Variants in SEMA3A observed in about 807,000 individuals in gnomAD.
SEMA3A encodes the protein semaphorin 3A, also known as semaphorin-3A.
In SEMA3A, 29 loss-of-function variants were observed where a neutral mutation model predicts 97.9. That is an observed-to-expected ratio of 0.30 (90% CI 0.22 to 0.40). SEMA3A has a LOEUF of 0.40. Among genes scored for constraint, SEMA3A ranks in the 10% least tolerant of loss-of-function variants. The pLI is 1.00. For missense variants in SEMA3A, 763 were observed against 951.3 expected, an observed-to-expected ratio of 0.80 and a Z score of 2.60; for synonymous variants, 321 against 323.7, an observed-to-expected ratio of 0.99 and a Z score of 0.09.
chr7:83,973,505 A>G lies in SEMA3A; in HGVS notation c.1717+3627T>C, dbSNP rs563337793. Among the ~76,000 whole-genome samples the G allele has an allele frequency of 1.8e-4, 28 of 152,256 alleles. No homozygotes were observed. In the South Asian group the frequency reaches 5.8e-3, roughly 32 times the overall value. Reference sequence around the variant, plus strand: ...TACTTTTAGGGCTGACATCATGCTCATCTATCAAATATTGAGACTCCTCTT... The same window carrying G: ...TACTTTTAGGGCTGACATCATGCTCGTCTATCAAATATTGAGACTCCTCTT... On this transcript the variant is annotated intron_variant, in intron 15 of 16. Coordinates refer to ENST00000265362, the MANE Select transcript of SEMA3A (RefSeq NM_006080.3).
chr7:84,160,793 T>C (rs142263854), intron 1 of SEMA3A, among the ~76,000 whole-genome samples: 2,332 of 148,734 alleles, frequency 0.016, 51 homozygotes, highest in African/African-American at 0.054. Context: ...GGCAGGAGAA[T>C]TGCTTGAACC....
rs898039576 is a variant in SEMA3A, at chr7:84,475,230, G to T, written c.-246+17230C>A. ...TGAAATTTCCTAACAATAATGGATT[G>T]TTAGAGAGAGAGAGTCTGTTTTTGT... On this transcript the variant is annotated intron_variant, in intron 1 of 3. Coordinates refer to the SEMA3A transcript ENST00000424555. Among the ~76,000 whole-genome samples the T allele has an allele frequency of 2.6e-5, 4 of 152,106 alleles. No individual in the cohort carries two copies. The Middle Eastern group carries it at 0.01, about 388-fold the overall frequency.
At chr7:84,399,789 C>A (rs1477624792) in intron 1 of SEMA3A, among the ~76,000 whole-genome samples, 1 of 152,168 alleles carries the variant, frequency 6.6e-6, no homozygotes, top group Non-Finnish European at 1.5e-5. Context: ...ACAATAGCAG[C>A]CATGGGCCTT....
chr7:84,094,574 A>G (rs765095046), intron 4 of SEMA3A, among the ~76,000 whole-genome samples: 1 of 152,138 alleles, frequency 6.6e-6, no homozygotes, highest in Non-Finnish European at 1.5e-5. Context: ...TCTGCTAGAT[A>G]TAAGATTGGG....
Position 83,981,490 on chromosome 7 carries a change from G to C in SEMA3A, c.1495-12C>G. 6.4e-7 allele frequency: 1 copy of C among 1,567,158 alleles called. No individual in the cohort carries two copies. Among genetic ancestry groups the C allele is most frequent in the East Asian group, 2.3e-5 (1 of 43,792 alleles). On this transcript the variant is annotated splice_polypyrimidine_tract_variant and intron_variant, in intron 13 of 16. Coordinates refer to ENST00000265362, the MANE Select transcript of SEMA3A (RefSeq NM_006080.3). ...ATATATAGTTGTTGCTGTGGAAAGA[G>C]TTTACTGCTGTGACAAAAACTATCT...
chr7:84,356,911 T>C (rs950642826), intron 2 of SEMA3A, among the ~76,000 whole-genome samples: 2 of 151,754 alleles, frequency 1.3e-5, no homozygotes, highest in Non-Finnish European at 2.9e-5. Context: ...GTTTTTACTA[T>C]TTTGAAAATA....
At chr7:84,281,559 A>T (rs1041276093) in intron 3 of SEMA3A, among the ~76,000 whole-genome samples, 1 of 152,190 alleles carries the variant, frequency 6.6e-6, no homozygotes, top group Admixed American at 6.5e-5. Context: ...AGTTAATGAT[A>T]GCCTGGGTTT....
intron 6 of SEMA3A, among the ~76,000 whole-genome samples, chr7:84,033,307 T>C (rs1791823906): frequency 1.3e-5 from 2 of 152,166 alleles, no homozygotes; most frequent in African/African-American, 4.8e-5. Flanking sequence ...CATTTTTTTC[T>C]AAAAAGAAAA....
At chr7:84,010,951 G>T in intron 9 of SEMA3A, 71 bp downstream of exon 9, 2 of 1,169,720 alleles carry the variant, frequency 1.7e-6, no homozygotes, top group Non-Finnish European at 2.4e-6. Flanking sequence ...ATATACTTTT[G>T]CAAATTATGA....
chr7:84,302,873 T>C (rs1801053602), intron 3 of SEMA3A, among the ~76,000 whole-genome samples: 1 of 152,148 alleles, frequency 6.6e-6, no homozygotes, highest in South Asian at 2.1e-4. Context: ...CCCAATTTCT[T>C]AATGTAAACA....
chr7:84,383,712 C>T lies in SEMA3A; in HGVS notation c.-245-11812G>A, dbSNP rs191790415. Among the ~76,000 whole-genome samples, 29 of 152,132 alleles carry T rather than the reference C, an allele frequency of 1.9e-4. 1 individual carries two copies. The highest frequency in any genetic ancestry group is 6.7e-4 in the African/African-American group (28 of 41,512). ...TAGAACAAGAAAGTGGAAAAATATC[C>T]AATAAGTTATTTCTTCTGTATTATT... On this transcript the variant is annotated intron_variant, in intron 1 of 3. Coordinates refer to the SEMA3A transcript ENST00000424555.
chr7:84,033,282 G>T (rs2116469570), intron 6 of SEMA3A, among the ~76,000 whole-genome samples: 1 of 152,088 alleles, frequency 6.6e-6, no homozygotes, highest in African/African-American at 2.4e-5. Context: ...AAAATTTTTA[G>T]GCTGTCATAA....
At chr7:84,432,068 A>C (rs184412843) in intron 1 of SEMA3A, among the ~76,000 whole-genome samples, 1 of 152,218 alleles carries the variant, frequency 6.6e-6, no homozygotes, top group African/African-American at 2.4e-5. Flanking sequence ...CATCAGAAGT[A>C]TATTTTTTCC....
In SEMA3A at chr7:84,491,487, T is replaced by A. The variant is rs571998575; in HGVS notation, c.-246+973A>T. 1.2e-3 allele frequency among the ~76,000 whole-genome samples: 186 copies of A among 152,270 alleles called. 1 individual carries two copies. The highest frequency in any genetic ancestry group is 9.2e-3 in the Admixed American group (140 of 15,270). The stretch of plus-strand genomic sequence containing the variant: ...TAACTGGAATCTTTGGTAGGGCATA[T>A]GTTCTATGTGTTTATTTCTTACATG... On this transcript the variant is annotated intron_variant, in intron 1 of 3. Transcript: ENST00000424555.
chr7:84,228,021 C>T (rs1243791180), intron 3 of SEMA3A, among the ~76,000 whole-genome samples: 1 of 151,724 alleles, frequency 6.6e-6, no homozygotes, highest in African/African-American at 2.4e-5. Context: ...ATGAAATATG[C>T]CTTTAATACT....
At chr7:84,022,483 C>T (rs1791364744) in intron 6 of SEMA3A, among the ~76,000 whole-genome samples, 1 of 152,174 alleles carries the variant, frequency 6.6e-6, no homozygotes, top group Admixed American at 6.5e-5. Flanking sequence ...GCCACTGAAA[C>T]TTAATGACAC....
At chr7:84,232,707 A>G (rs1055074973) in intron 3 of SEMA3A, among the ~76,000 whole-genome samples, 1 of 151,924 alleles carries the variant, frequency 6.6e-6, no homozygotes, top group Non-Finnish European at 1.5e-5. Flanking sequence ...TTTTCTTACA[A>G]AACTAACTTG....
At chr7:84,481,983 T>C (rs1231243628) in intron 1 of SEMA3A, among the ~76,000 whole-genome samples, 5 of 151,722 alleles carry the variant, frequency 3.3e-5, no homozygotes, top group African/African-American at 1.2e-4. Context: ...TTAGTACATA[T>C]CTTTTTAAGA....
At chr7:84,120,890 A>G (rs1411698974) in intron 3 of SEMA3A, among the ~76,000 whole-genome samples, 5 of 152,186 alleles carry the variant, frequency 3.3e-5, no homozygotes, top group Non-Finnish European at 1.5e-5. Flanking sequence ...AAATAGTGCT[A>G]GCTAGAGTAT....
Sources: allele counts gnomAD v4.1 joint callset (sites outside exome capture counted in the v4.1 genomes callset), GRCh38; gene constraint gnomAD v4.1.1; transcripts MANE v1.5; gene names NCBI Gene and HGNC (gene_info 2026-07-23, HGNC 2026-07-21).